RAB3IL1: variants seen among roughly 807,000 people sequenced by gnomAD.
The protein encoded by RAB3IL1 is RAB3A interacting protein like 1.
Under a neutral mutation model 49.2 loss-of-function variants are expected in RAB3IL1, and 37 were observed. The observed-to-expected ratio is 0.75, with a 90% CI of 0.58 to 0.99. The LOEUF is 0.99. Ranked by LOEUF, RAB3IL1 falls within the 50% of genes least tolerant of loss-of-function variation. The pLI, the probability that RAB3IL1 is intolerant of heterozygous loss-of-function variation, is 0.00. For synonymous variants in RAB3IL1, 193 were observed against 213.9 expected (o/e 0.90, Z 0.85); for missense variants, 484 against 513.0 (o/e 0.94, Z 0.55).
chr11:61,907,263 G>A (rs1939237003), intron 4 of RAB3IL1, 130 bp downstream of exon 4: 2 of 942,782 alleles, frequency 2.1e-6, no homozygotes, highest in Admixed American at 4.1e-5. Context: ...CCTGGGCCTA[G>A]GTTCACCCAT....
upstream of RAB3IL1, among the ~76,000 whole-genome samples, chr11:61,923,330 T>A (rs1939945537): frequency 6.6e-6 from 1 of 152,200 alleles, no homozygotes; most frequent in Admixed American, 6.5e-5. Context: ...CTGGGACGTC[T>A]TGTCAGTAAA....
At chr11:61,927,571 G>A in the RAB3IL1 span, among the ~76,000 whole-genome samples, 27 of 152,146 alleles carry the variant, frequency 1.8e-4, no homozygotes, top group Non-Finnish European at 3.5e-4. Flanking sequence ...TCAGGGGCTA[G>A]ATCTTGTGGG....
the RAB3IL1 span, among the ~76,000 whole-genome samples, chr11:61,925,675 C>A: frequency 3.3e-5 from 5 of 151,852 alleles, no homozygotes; most frequent in African/African-American, 1.2e-4. Context: ...ATGGACATTC[C>A]CTGCAGAGGG....
At chr11:61,903,782 C>T (rs1939038363) in intron 7 of RAB3IL1, among the ~76,000 whole-genome samples, 1 of 152,152 alleles carries the variant, frequency 6.6e-6, no homozygotes, top group Non-Finnish European at 1.5e-5. Flanking sequence ...GCCTCAACCT[C>T]CCAGAGTGCT....
Position 61,906,728 on chromosome 11 carries a change from G to A in RAB3IL1, c.439-44C>T. The A allele has an allele frequency of 1.3e-6, 2 of 1,538,160 alleles. No individual in the cohort carries two copies. Among genetic ancestry groups the A allele is most frequent in the Non-Finnish European group, 1.8e-6 (2 of 1,131,644 alleles). On this transcript the variant is annotated intron_variant, in intron 4 of 9. Coordinates refer to ENST00000394836, the MANE Select transcript of RAB3IL1 (RefSeq NM_013401.4). The surrounding 1 kb of genome is among the most constrained non-coding windows in gnomAD (Gnocchi z 4.6). ...CTGTCAACCCTCACCCAGACTGGAT[G>A]CCATCCTGGCTGCCACCGCCTATCA... is the stretch of plus-strand genomic sequence containing the variant.
chr11:61,900,109 G>C lies in RAB3IL1; in HGVS notation c.1000-729C>G, dbSNP rs1938827792. ...ACTCCTCCTGTAGACCTCAGCCGAT[G>C]ACTGACTTGTGTGGAGATAGAAAGG... is the stretch of plus-strand genomic sequence containing the variant. On this transcript the variant is annotated intron_variant, in intron 8 of 9. Transcript: ENST00000394836. Among the ~76,000 whole-genome samples, 3 of 152,370 alleles carry C rather than the reference G, an allele frequency of 2.0e-5. No homozygotes were observed. In the South Asian group the frequency reaches 6.2e-4, roughly 32 times the overall value.
intron 7 of RAB3IL1, 104 bp from the exon 8 acceptor site, chr11:61,902,645 G>C: frequency 9.4e-7 from 1 of 1,061,828 alleles, no homozygotes; most frequent in African/African-American, 1.6e-5. Flanking sequence ...GCATGGGGAG[G>C]GGCAGGCCTC....
chr11:61,899,232 G>T, intron 9 of RAB3IL1, 82 bp downstream of exon 9: 1 of 1,445,608 alleles, frequency 6.9e-7, no homozygotes, highest in South Asian at 1.2e-5. Flanking sequence ...CTCCACTAGG[G>T]GCAGGTGGGC....
At chr11:61,935,326 A>G in the RAB3IL1 span, among the ~76,000 whole-genome samples, 1 of 151,306 alleles carries the variant, frequency 6.6e-6, no homozygotes, top group Non-Finnish European at 1.5e-5. Context: ...AGGCTGAGGC[A>G]GGAGAATCGC....
Position 61,907,610 on chromosome 11 carries a change from C to T in RAB3IL1, c.315G>A (p.Glu105=). 2 of 1,614,138 alleles carry T rather than the reference C, an allele frequency of 1.2e-6. No individual in the cohort carries two copies. The highest frequency in any genetic ancestry group is 1.1e-5 in the South Asian group (1 of 91,086). The change falls in exon 3 of 10, where the codon GAG becomes GAA. Residue 105 remains glutamate (E), a synonymous_variant. Coordinates refer to ENST00000394836, the MANE Select transcript of RAB3IL1 (RefSeq NM_013401.4). ...GCTCTTCCAGCTCCTGTTCTAGCTG[C>T]TCCCGCACCTTGGACAGCCGCTCAC... ...EECERLSKVR[E]QLEQELEELT... is the part of the protein sequence containing the mutation.
At chr11:61,908,327 C>CA (rs1939310994) in intron 1 of RAB3IL1, 21 bp from the exon 2 acceptor site, 4 of 1,450,222 alleles carry the variant, frequency 2.8e-6, no homozygotes, top group Non-Finnish European at 2.7e-6. Flanking sequence ...ACAAGGGTAT[C>CA]AGCAGGTTCA....
chr11:61,906,281 C>G lies in RAB3IL1; in HGVS notation c.657+185G>C, dbSNP rs1000637785. ...GATGGTATACCCTGGAGGCTGCAGG[C>G]CAAGTGCCTCAGATCACAGGAGGTT... is the stretch of plus-strand genomic sequence containing the variant. On this transcript the variant is annotated intron_variant, in intron 5 of 9. Coordinates refer to ENST00000394836, the MANE Select transcript of RAB3IL1 (RefSeq NM_013401.4). This position sits in a 1 kb window ranked among gnomAD's most constrained non-coding sequence, Gnocchi z 4.6. Among the ~76,000 whole-genome samples the G allele has an allele frequency of 1.3e-5, 2 of 152,120 alleles. No individual in the cohort carries two copies. The highest frequency in any genetic ancestry group is 4.8e-5 in the African/African-American group (2 of 41,416).
the RAB3IL1 span, among the ~76,000 whole-genome samples, chr11:61,933,782 TAA>T: frequency 1.4e-4 from 21 of 151,954 alleles, no homozygotes; most frequent in Non-Finnish European, 2.6e-4. Context: ...CTGTCTCTAC[TAA>T]AAATGCAAAA....
intron 8 of RAB3IL1, among the ~76,000 whole-genome samples, chr11:61,900,510 G>A (rs921587261): frequency 3.3e-5 from 5 of 152,148 alleles, no homozygotes; most frequent in East Asian, 1.9e-4. Context: ...GGACCAGCCC[G>A]TCGTGGCAGG....
the RAB3IL1 span, among the ~76,000 whole-genome samples, chr11:61,933,962 A>G: frequency 6.6e-6 from 1 of 152,206 alleles, no homozygotes; most frequent in African/African-American, 2.4e-5. Flanking sequence ...AAAAGAAAAG[A>G]AAAAGAAAGA....
At position 61,906,875 on chromosome 11, in the gene RAB3IL1, C is replaced by A. The variant is rs1939219966; in HGVS notation, c.439-191G>T. On this transcript the variant is annotated intron_variant, in intron 4 of 9. Transcript: ENST00000394836. This position sits in a 1 kb window ranked among gnomAD's most constrained non-coding sequence, Gnocchi z 4.6. ...TTACACATAGGGAAACTGAGGCTCA[C>A]AGAGGCGACATGGCCTGCCCAAGGT... Among the ~76,000 whole-genome samples, 1 of 152,224 alleles carries A rather than the reference C, an allele frequency of 6.6e-6. No individual in the cohort carries two copies.
the RAB3IL1 span, among the ~76,000 whole-genome samples, chr11:61,928,547 A>ATACATGGAGCTAGGACCCTCCAAC: frequency 0.46 from 65,524 of 141,578 alleles, 17,335 homozygotes; most frequent in Middle Eastern, 0.61. Flanking sequence ...GACCCTCCAA[A>ATACATGGAGCTAGGACCCTCCAAC]TACATGGAGC....
At position 61,898,475 on chromosome 11, in the gene RAB3IL1, C is replaced by A; in HGVS notation, c.1067-115G>T. 1.2e-6 allele frequency: 1 copy of A among 827,252 alleles called. No individual in the cohort carries two copies. The highest frequency in any genetic ancestry group is 1.9e-5 in the Admixed American group (1 of 51,630). The allele number at this position is 827,252 out of a possible 1,614,324, so 51.2% of individuals were successfully genotyped here. ...GCAGCTGGCACAGCACCCTAGGGTC[C>A]CCGGCCCCCAAAACAGATGACCTCA... On this transcript the variant is annotated intron_variant, in intron 9 of 9. Transcript: ENST00000394836. The surrounding 1 kb of genome is among the most constrained non-coding windows in gnomAD (Gnocchi z 5.1).
At chr11:61,932,119 C>T in the RAB3IL1 span, among the ~76,000 whole-genome samples, 3 of 151,696 alleles carry the variant, frequency 2.0e-5, no homozygotes, top group Middle Eastern at 3.2e-3. Context: ...GGCGTGGTGG[C>T]GGGCGCCTGT....
Sources: gnomAD v4.1 joint callset for allele counts (sites outside exome capture counted in the v4.1 genomes callset) on GRCh38, gnomAD v4.1.1 for gene constraint, Gnocchi (gnomAD v3.1) non-coding constraint, MANE v1.5 for transcripts, NCBI Gene and HGNC (gene_info 2026-07-23, HGNC 2026-07-21) for gene names.